XPNPEP3: variants seen among roughly 807,000 people sequenced by gnomAD.
The protein encoded by XPNPEP3 is X-prolyl aminopeptidase 3.
In XPNPEP3, 41 loss-of-function variants were observed where a neutral mutation model predicts 60.0. That is an observed-to-expected ratio of 0.68 (90% confidence interval 0.53 to 0.89). The LOEUF (loss-of-function observed/expected upper bound fraction) is 0.89. XPNPEP3 is among the 40% of genes least tolerant of loss of function. The pLI is 0.00. For missense variants in XPNPEP3, 598 were observed against 638.9 expected, an observed-to-expected ratio of 0.94 and a Z score of 0.69; for synonymous variants, 212 against 223.2, an observed-to-expected ratio of 0.95 and a Z score of 0.45.
Position 40,907,616 on chromosome 22 carries a change from A to G in XPNPEP3, c.822A>G (p.Lys274=). The change falls in exon 5 of 10, where the codon AAA becomes AAG. Residue 274 remains lysine (K), a synonymous_variant. Transcript: ENST00000357137. ...TCATAGAAACCATGTTCACCAGTAA[A>G]GCCCCTGTGGAAGAAGCCTTTCTTT... ...QAFIETMFTS[K]APVEEAFLYA... 6.2e-7 allele frequency: 1 copy of G among 1,614,086 alleles called. No homozygotes were observed. Among genetic ancestry groups the G allele is most frequent in the Non-Finnish European group, 8.5e-7 (1 of 1,179,996 alleles).
At chr22:40,891,847 A>G (rs931778726) in intron 4 of XPNPEP3, among the ~76,000 whole-genome samples, 39 of 152,192 alleles carry the variant, frequency 2.6e-4, no homozygotes, top group African/African-American at 9.2e-4. Flanking sequence ...GCACCTCAAC[A>G]GGTTGCATCC....
intron 4 of XPNPEP3, among the ~76,000 whole-genome samples, chr22:40,898,985 G>A (rs2058120674): frequency 6.6e-6 from 1 of 152,106 alleles, no homozygotes; most frequent in East Asian, 1.9e-4. Context: ...TAATAAACTA[G>A]GGGTTTCCCT....
chr22:40,862,052 G>C, intron 1 of XPNPEP3: 2 of 1,530,630 alleles, frequency 1.3e-6, no homozygotes, highest in South Asian at 2.7e-5. Context: ...GGTTTCCTCA[G>C]CTCAGGCTCT....
chr22:40,900,307 GAA>G (rs895306237), intron 4 of XPNPEP3, among the ~76,000 whole-genome samples: 5 of 96,884 alleles, frequency 5.2e-5, no homozygotes, highest in Admixed American at 1.1e-4. Flanking sequence ...ACAGCCTTAG[GAA>G]AAAAAAAAAA....
chr22:40,926,960 C>T lies in XPNPEP3; in HGVS notation c.*525C>T, dbSNP rs993597472. The T allele has an allele frequency of 5.2e-6, 1 of 193,238 alleles. No individual in the cohort carries two copies. The highest frequency in any genetic ancestry group is 2.4e-5 in the African/African-American group (1 of 41,904). The allele number at this position is 193,238 out of a possible 1,614,324, so 12.0% of individuals were successfully genotyped here. A position where few individuals can be genotyped will look rare whatever the true frequency, so the allele number is the denominator to read the frequency against. On this transcript the variant is annotated 3_prime_UTR_variant, in exon 10 of 10. Coordinates refer to ENST00000357137, the MANE Select transcript of XPNPEP3 (RefSeq NM_022098.4). ...TAACTCCTCCCTACCTATTCTAGAT[C>T]CTGCATATCTACTGGAGCCATATGA...
chr22:40,858,685 C>A (rs1486600985), intron 1 of XPNPEP3, among the ~76,000 whole-genome samples: 1 of 152,082 alleles, frequency 6.6e-6, no homozygotes, highest in African/African-American at 2.4e-5. Flanking sequence ...GCGCCCGCCA[C>A]CACGCCTGGC....
intron 2 of XPNPEP3, among the ~76,000 whole-genome samples, chr22:40,877,572 C>T (rs2058032260): frequency 1.3e-5 from 2 of 152,180 alleles, no homozygotes; most frequent in South Asian, 4.1e-4. Context: ...TTCTTGGCTG[C>T]AGAATCTCAG....
intron 1 of XPNPEP3, among the ~76,000 whole-genome samples, chr22:40,867,140 T>A (rs532095772): frequency 6.6e-6 from 1 of 152,262 alleles, no homozygotes; most frequent in African/African-American, 2.4e-5. Flanking sequence ...TATTCTAAAT[T>A]AAGGAGTTAG....
intron 7 of XPNPEP3, among the ~76,000 whole-genome samples, chr22:40,914,974 C>T (rs2146275127): frequency 6.6e-6 from 1 of 151,284 alleles, no homozygotes; most frequent in East Asian, 1.9e-4. Flanking sequence ...GCACATTACC[C>T]ATCTGACATG....
intron 6 of XPNPEP3, among the ~76,000 whole-genome samples, chr22:40,911,120 C>G (rs1467944728): frequency 6.6e-6 from 1 of 152,128 alleles, no homozygotes; most frequent in Non-Finnish European, 1.5e-5. Context: ...TCCTCTCCAT[C>G]CCCTGGTATT....
intron 4 of XPNPEP3, among the ~76,000 whole-genome samples, chr22:40,905,334 C>T (rs1021871206): frequency 2.6e-5 from 4 of 151,728 alleles, no homozygotes; most frequent in Non-Finnish European, 5.9e-5. Flanking sequence ...CCGCCTCGGC[C>T]GCCTGAAGTG....
chr22:40,922,597 A>G, intron 8 of XPNPEP3, 84 bp downstream of exon 8: 1 of 1,487,640 alleles, frequency 6.7e-7, no homozygotes, highest in South Asian at 1.1e-5. Flanking sequence ...AATTAGACTT[A>G]GAAATGGGAC....
In XPNPEP3 at chr22:40,922,495, G is replaced by A. The variant is rs1601522092; in HGVS notation, c.1218G>A (p.Lys406=). ...ACTTGGGGATCATGAAGAACATTAA[G>A]GAAAATAATGCCTTCAAGGTACTTC... The part of the protein sequence containing the change: ...LKDLGIMKNI[K]ENNAFKAARK... Residue 406 remains lysine, a synonymous_variant, in exon 8 of 10, where the codon AAG becomes AAA. Coordinates refer to ENST00000357137, the MANE Select transcript of XPNPEP3 (RefSeq NM_022098.4). 1.2e-6 allele frequency: 2 copies of A among 1,613,942 alleles called. No individual in the cohort carries two copies.
At chr22:40,868,038 A>T (rs1387811872) in intron 1 of XPNPEP3, among the ~76,000 whole-genome samples, 1 of 151,994 alleles carries the variant, frequency 6.6e-6, no homozygotes, top group Non-Finnish European at 1.5e-5. Flanking sequence ...TCTCACCTCC[A>T]CTAGACTGTG....
intron 1 of XPNPEP3, among the ~76,000 whole-genome samples, chr22:40,857,629 G>C (rs575473991): frequency 2.0e-4 from 30 of 152,376 alleles, no homozygotes; most frequent in African/African-American, 7.0e-4. Flanking sequence ...AGCATGTTTA[G>C]TAACAAATTC....
Position 40,883,517 on chromosome 22 carries a change from T to G in XPNPEP3, c.589+1340T>G, listed in dbSNP as rs565196297. On this transcript the variant is annotated intron_variant, in intron 3 of 9. Transcript: ENST00000357137. ...GGGACTACCTGGGCACACCACTATG[T>G]CTGGCTAATTTTTTTTTATTTTTTT... Among the ~76,000 whole-genome samples the G allele has an allele frequency of 2.6e-5, 4 of 152,146 alleles. No homozygotes were observed. In the South Asian group the frequency reaches 6.2e-4, roughly 24 times the overall value.
intron 6 of XPNPEP3, among the ~76,000 whole-genome samples, chr22:40,909,916 C>A (rs1226469711): frequency 1.3e-5 from 2 of 151,958 alleles, no homozygotes; most frequent in Non-Finnish European, 2.9e-5. Flanking sequence ...CTTGCGGCAA[C>A]AACAGTGAGC....
intron 7 of XPNPEP3, among the ~76,000 whole-genome samples, chr22:40,918,972 A>G (rs1484282334): frequency 6.6e-6 from 1 of 151,358 alleles, no homozygotes; most frequent in Non-Finnish European, 1.5e-5. Flanking sequence ...CCTCCCAAGT[A>G]GCTGGGACTA....
intron 4 of XPNPEP3, among the ~76,000 whole-genome samples, chr22:40,892,936 T>C (rs1262863841): frequency 7.2e-6 from 1 of 139,016 alleles, no homozygotes; most frequent in African/African-American, 3.4e-5. Flanking sequence ...TTACACATAT[T>C]ATAACAGATG....
Sources: allele counts gnomAD v4.1 joint callset (sites outside exome capture counted in the v4.1 genomes callset), GRCh38; gene constraint gnomAD v4.1.1; transcripts MANE v1.5; gene names NCBI Gene and HGNC (gene_info 2026-07-23, HGNC 2026-07-21).